The following MICAL3 variants were observed in gnomAD, a reference collection of about 807,000 sequenced individuals.
The protein encoded by MICAL3 is microtubule associated monooxygenase, calponin and LIM domain containing 3, also known as [F-actin]-monooxygenase MICAL3.
A neutral mutation model predicts 207.4 loss-of-function variants in MICAL3; 62 were observed. The observed-to-expected ratio is 0.30, with a 90% CI of 0.24 to 0.37. The LOEUF (loss-of-function observed/expected upper bound fraction) is 0.37, where lower values mean the gene tolerates loss of function less well. Among genes scored for constraint, MICAL3 ranks in the 10% least tolerant of loss-of-function variants. The pLI, the probability that MICAL3 is intolerant of heterozygous loss-of-function variation, is 1.00. For missense variants in MICAL3, 2,368 were observed against 2,635.6 expected (o/e 0.90, Z 2.22); for synonymous variants, 1,077 against 1,069.3 (o/e 1.01, Z -0.14).
rs560800103 is a variant in MICAL3, at chr22:17,843,612, G to A, written c.2606-1595C>T. Among the ~76,000 whole-genome samples, 4 of 152,326 alleles carry A rather than the reference G, an allele frequency of 2.6e-5. No homozygotes were observed. The South Asian group carries it at 8.3e-4, about 32-fold the overall frequency. On this transcript the variant is annotated intron_variant, in intron 19 of 31. Coordinates refer to ENST00000441493, the MANE Select transcript of MICAL3 (RefSeq NM_015241.3). ...GATGCACACATACTCATGTGGGGGTGCGTGTTGACCCTGCACCCCACACAC... is the reference window on the plus strand; with the variant it reads ...GATGCACACATACTCATGTGGGGGTACGTGTTGACCCTGCACCCCACACAC...
intron 19 of MICAL3, chr22:17,860,064 T>C (rs1239155452): frequency 2.1e-6 from 1 of 471,430 alleles, no homozygotes; most frequent in African/African-American, 2.1e-5. Flanking sequence ...TGAGCCACAG[T>C]GGCCTCAAGC....
intron 1 of MICAL3, among the ~76,000 whole-genome samples, chr22:17,971,178 GA>G (rs1935397255): frequency 6.6e-6 from 1 of 151,214 alleles, no homozygotes; most frequent in South Asian, 2.1e-4. Context: ...CCCCGTGTCA[GA>G]AAAAAAGGGG....
intron 1 of MICAL3, among the ~76,000 whole-genome samples, chr22:18,002,344 G>C (rs2146491843): frequency 6.7e-6 from 1 of 149,768 alleles, no homozygotes; most frequent in South Asian, 2.1e-4. Context: ...AAAATATAGA[G>C]CAGAGGGCGG....
In MICAL3 at chr22:17,958,870, A is replaced by AT. The variant is rs1934758999; in HGVS notation, c.-74-51985dup. ...AGGCGTCCGCCACCACACCCAGCTA[A>AT]TTTTTTTGTATTTTTAGTAAAGACA... On this transcript the variant is annotated intron_variant, in intron 1 of 31. Transcript: ENST00000441493. Among the ~76,000 whole-genome samples the AT allele has an allele frequency of 2.7e-5, 4 of 150,876 alleles. No homozygotes were observed. The South Asian group carries it at 8.4e-4, about 32-fold the overall frequency.
At chr22:17,878,391 CCCCACCTCCAG>C in intron 16 of MICAL3, among the ~76,000 whole-genome samples, 1 of 152,144 alleles carries the variant, frequency 6.6e-6, no homozygotes, top group East Asian at 1.9e-4. Context: ...TGGGAAAGAC[CCCCACCTCCAG>C]CCCAGTCTCC....
At position 17,967,182 on chromosome 22, in the gene MICAL3, C is replaced by T. The variant is rs1196774946; in HGVS notation, c.-75+57099G>A. ...AGGATGGCCAGCATCCCTGGTCTATCCTGGCATAACTACTCGTTTTCACCA... is the reference window on the plus strand; with the variant it reads ...AGGATGGCCAGCATCCCTGGTCTATTCTGGCATAACTACTCGTTTTCACCA... On this transcript the variant is annotated intron_variant, in intron 1 of 31. Transcript: ENST00000441493. Among the ~76,000 whole-genome samples the T allele has an allele frequency of 2.0e-5, 3 of 152,226 alleles. No homozygotes were observed. The South Asian group carries it at 6.2e-4, about 32-fold the overall frequency.
chr22:17,890,257 G>A (rs1272330048), intron 12 of MICAL3, among the ~76,000 whole-genome samples: 2 of 151,952 alleles, frequency 1.3e-5, no homozygotes, highest in Non-Finnish European at 2.9e-5. Context: ...CTGAAACTAT[G>A]ACCTCACTGC....
intron 15 of MICAL3, 94 bp downstream of exon 15, chr22:17,887,076 A>G: frequency 1.4e-6 from 1 of 728,748 alleles, no homozygotes. Context: ...ATGAATATGA[A>G]AAGACCTAGC....
chr22:17,875,909 G>A (rs921330250), intron 16 of MICAL3, among the ~76,000 whole-genome samples: 2 of 152,142 alleles, frequency 1.3e-5, no homozygotes, highest in African/African-American at 4.8e-5. Context: ...TCTGTGCTCT[G>A]CCAAGCAACC....
At chr22:17,806,452 G>GAAA (rs200221858) in intron 29 of MICAL3, among the ~76,000 whole-genome samples, 1 of 107,224 alleles carries the variant, frequency 9.3e-6, no homozygotes, top group African/African-American at 3.4e-5. Flanking sequence ...TCCAACTGTG[G>GAAA]AAAAAAAAAA....
chr22:17,820,466 T>C (rs1050771981), intron 25 of MICAL3, among the ~76,000 whole-genome samples: 1 of 152,198 alleles, frequency 6.6e-6, no homozygotes, highest in Non-Finnish European at 1.5e-5. Flanking sequence ...GCCATTCTCC[T>C]GCCTCAGCCT....
chr22:17,978,599 C>T lies in MICAL3; in HGVS notation c.-75+45682G>A, dbSNP rs550096250. On this transcript the variant is annotated intron_variant, in intron 1 of 31. Coordinates refer to ENST00000441493, the MANE Select transcript of MICAL3 (RefSeq NM_015241.3). ...CACAATCTCAGCTCACTGTTACCTC[C>T]GTCTCCCAGGTTCAAACAATTCTCC... Among the ~76,000 whole-genome samples the T allele has an allele frequency of 9.9e-5, 15 of 151,946 alleles. No individual in the cohort carries two copies. In the South Asian group the frequency reaches 3.1e-3, roughly 32 times the overall value.
rs549944480 is a variant in MICAL3, at chr22:17,841,159, A to AC, written c.2801+662dup. The AC allele has an allele frequency of 4.1e-3, 622 of 152,322 alleles. 4 individuals are homozygous for AC. Among genetic ancestry groups the AC allele is most frequent in the Middle Eastern group, 0.014 (4 of 296 alleles). 9.4% of individuals were successfully genotyped at this position (152,322 alleles called of 1,614,324 possible). A position where few individuals can be genotyped will look rare whatever the true frequency, so the allele number is the denominator to read the frequency against. On this transcript the variant is annotated intron_variant, in intron 20 of 31. Coordinates refer to ENST00000441493, the MANE Select transcript of MICAL3 (RefSeq NM_015241.3). The surrounding 1 kb of genome is among the most constrained non-coding windows in gnomAD (Gnocchi z 4.2). ...GTCCTGAAGCCCCACAGGACACCGG[A>AC]CCCCCTTTTGATTCTTGGCTCTCTT...
intron 27 of MICAL3, chr22:17,814,436 A>T (rs1448204837): frequency 6.6e-6 from 1 of 152,214 alleles, no homozygotes; most frequent in Non-Finnish European, 1.5e-5. Flanking sequence ...CCTACATAAA[A>T]GTACATTAAC....
intron 1 of MICAL3, among the ~76,000 whole-genome samples, chr22:17,954,220 G>A (rs539261421): frequency 5.3e-5 from 8 of 152,262 alleles, no homozygotes; most frequent in African/African-American, 9.6e-5. Context: ...TGCTACTTAC[G>A]AGAATACAGT....
chr22:17,862,149 C>T (rs1926581430), intron 19 of MICAL3: 3 of 985,390 alleles, frequency 3.0e-6, no homozygotes, highest in Non-Finnish European at 3.6e-6. Context: ...CCGTCATCAT[C>T]GCCTCTACTG....
intron 17 of MICAL3, among the ~76,000 whole-genome samples, chr22:17,868,642 G>C (rs1927391811): frequency 1.3e-5 from 2 of 152,214 alleles, no homozygotes; most frequent in Admixed American, 1.3e-4. Context: ...ATTCAGTCAA[G>C]TGACTGATTC....
intron 1 of MICAL3, among the ~76,000 whole-genome samples, chr22:17,950,254 T>C (rs1370211772): frequency 6.6e-6 from 1 of 150,766 alleles, no homozygotes; most frequent in Admixed American, 6.6e-5. Context: ...CTCCACCTCC[T>C]AGGTTCAGGC....
intron 19 of MICAL3, chr22:17,861,820 C>T (rs969064851): frequency 2.0e-6 from 2 of 985,358 alleles, no homozygotes; most frequent in African/African-American, 1.7e-5. Context: ...TGCCCCCAAA[C>T]ACTAAATTAG....
Sources: gnomAD v4.1 joint callset for allele counts (sites outside exome capture counted in the v4.1 genomes callset) on GRCh38, gnomAD v4.1.1 for gene constraint, Gnocchi (gnomAD v3.1) non-coding constraint, MANE v1.5 for transcripts, NCBI Gene and HGNC (gene_info 2026-07-23, HGNC 2026-07-21) for gene names.